MYH9: variants seen among roughly 807,000 people sequenced by gnomAD.
MYH9 encodes myosin-9.
Under a neutral mutation model 241.9 loss-of-function variants are expected in MYH9, and 29 were observed. The observed-to-expected ratio is 0.12, with a 90% CI of 0.09 to 0.16. MYH9 has a LOEUF of 0.16. Ranked by LOEUF, MYH9 falls within the 10% of genes least tolerant of loss-of-function variation. MYH9 has a pLI of 1.00. For missense variants in MYH9, 1,803 were observed against 2,595.5 expected (o/e 0.69, Z 6.63); for synonymous variants, 1,047 against 1,062.6 (o/e 0.99, Z 0.29).
rs2017383910 is a variant in MYH9, at chr22:36,329,225, AGGAGGCAAGCTCTAGG to A, written c.491-1753_491-1738del. On this transcript the variant is annotated intron_variant, in intron 3 of 40. Transcript: ENST00000216181. The surrounding 1 kb of genome is among the most constrained non-coding windows in gnomAD (Gnocchi z 4.1). Reference sequence around the variant, plus strand: ...CTGCTCTCTGATGTGGAAACTACTCAGGAGGCAAGCTCTAGGGGAGGCAAGCCTTACTCCCCCTTGC... The same window carrying A: ...CTGCTCTCTGATGTGGAAACTACTCAGGAGGCAAGCCTTACTCCCCCTTGC... 6.6e-6 allele frequency among the ~76,000 whole-genome samples: 1 copy of A among 152,026 alleles called. No individual in the cohort carries two copies. The highest frequency in any genetic ancestry group is 1.5e-5 in the Non-Finnish European group (1 of 67,992).
intron 31 of MYH9, 30 bp from the exon 32 acceptor site, chr22:36,289,327 A>G (rs2016647533): frequency 6.3e-7 from 1 of 1,582,018 alleles, no homozygotes; most frequent in Non-Finnish European, 8.6e-7. Context: ...CATGAGGCTC[A>G]GAGCTACGGC....
intron 3 of MYH9, among the ~76,000 whole-genome samples, chr22:36,333,659 C>T (rs1433976034): frequency 6.6e-6 from 1 of 152,210 alleles, no homozygotes; most frequent in Non-Finnish European, 1.5e-5. Flanking sequence ...ATTTATCTTT[C>T]TTTAGTTGTA....
intron 1 of MYH9, chr22:36,364,924 A>T (rs1268903646): frequency 6.6e-6 from 1 of 152,110 alleles, no homozygotes; most frequent in Non-Finnish European, 1.5e-5. Context: ...TGTAAAATGG[A>T]GCTGATCCCA....
chr22:36,342,312 A>G (rs928877329), intron 2 of MYH9, among the ~76,000 whole-genome samples: 2 of 151,744 alleles, frequency 1.3e-5, no homozygotes, highest in African/African-American at 4.8e-5. Flanking sequence ...AAGGTTCTTA[A>G]CCTCTCTCCC....
intron 1 of MYH9, among the ~76,000 whole-genome samples, chr22:36,356,574 C>T (rs1015436269): frequency 1.7e-5 from 2 of 115,074 alleles, no homozygotes; most frequent in Non-Finnish European, 3.3e-5. Context: ...GAGTGAGACT[C>T]CATCTCAAAA....
intron 39 of MYH9, 55 bp from the exon 40 acceptor site, chr22:36,284,320 C>T (rs1315708896): frequency 5.6e-6 from 9 of 1,603,570 alleles, no homozygotes; most frequent in Non-Finnish European, 7.6e-6. Flanking sequence ...GGGCGTGCAG[C>T]CAGTCAGCCC....
rs190298760 is a variant in MYH9 at position 36,311,120 on chromosome 22, C to T, written c.1728+929G>A. On this transcript the variant is annotated intron_variant, in intron 14 of 40. Coordinates refer to ENST00000216181, the MANE Select transcript of MYH9 (RefSeq NM_002473.6). The stretch of plus-strand genomic sequence containing the variant: ...CTAGTCACCACCAACAAGGAGATGG[C>T]GCAGCCCCTGCCTAATCACAGCAAT... Among the ~76,000 whole-genome samples, 36 of 152,304 alleles carry T rather than the reference C, an allele frequency of 2.4e-4. 1 individual carries two copies. In the East Asian group the frequency reaches 2.7e-3, roughly 11 times the overall value.
rs76330062 is a variant in MYH9 at position 36,305,891 on chromosome 22, G to T, written c.2159+39C>A. ...ACCTCTGGGACTCACTGCACGCACA[G>T]CAGGGCCCAGGAGAAGCGGGCTCCG... On this transcript the variant is annotated intron_variant, in intron 17 of 40. Coordinates refer to ENST00000216181, the MANE Select transcript of MYH9 (RefSeq NM_002473.6). The surrounding 1 kb of genome is among the most constrained non-coding windows in gnomAD (Gnocchi z 4.7). The T allele has an allele frequency of 0.042, 68,311 of 1,611,282 alleles. 1,682 individuals are homozygous for T. The highest frequency in any genetic ancestry group is 0.05 in the Non-Finnish European group (58,721 of 1,179,170).
chr22:36,346,097 A>G (rs935791890), intron 2 of MYH9, among the ~76,000 whole-genome samples: 5 of 151,742 alleles, frequency 3.3e-5, no homozygotes, highest in Admixed American at 2.0e-4. Context: ...CAATGAGCCA[A>G]GATGGCACCA....
rs374158300 is a variant in MYH9 at position 36,304,579 on chromosome 22, C to T, written c.2230-424G>A. Among the ~76,000 whole-genome samples the T allele has an allele frequency of 6.2e-4, 95 of 152,306 alleles. No homozygotes were observed. The South Asian group carries it at 8.9e-3, about 14-fold the overall frequency. On this transcript the variant is annotated intron_variant, in intron 18 of 40. Transcript: ENST00000216181. ...AGTCACCGCAGGGCTTTCAATCAAC[C>T]GGAACTCAGAGCATGCGCACAGCCC...
In MYH9 at chr22:36,306,087, C is replaced by T. The variant is rs374225358; in HGVS notation, c.2038-36G>A. 1.7e-5 allele frequency: 27 copies of T among 1,611,184 alleles called. No homozygotes were observed. In the African/African-American group the frequency reaches 2.7e-4, roughly 16 times the overall value. On this transcript the variant is annotated intron_variant, in intron 16 of 40. Transcript: ENST00000216181. The surrounding 1 kb of genome is among the most constrained non-coding windows in gnomAD (Gnocchi z 4.1). ...AAACACATGCATGCGGTCTCACTTC[C>T]GTGCCTAGAACAGTCGGAGAATAGT...
Position 36,285,650 on chromosome 22 carries a change from G to T in MYH9, c.5274+8C>A. 8.7e-6 allele frequency: 14 copies of T among 1,611,970 alleles called. No homozygotes were observed. Among genetic ancestry groups the T allele is most frequent in the Non-Finnish European group, 1.2e-5 (14 of 1,180,004 alleles). On this transcript the variant is annotated splice_region_variant and intron_variant, in intron 37 of 40. Transcript: ENST00000216181. This position sits in a 1 kb window ranked among gnomAD's most constrained non-coding sequence, Gnocchi z 7.0. ...AGAGCCCAGAGTGGGAGAAGTCCTG[G>T]CACCCACCTGCAGGTTGGCCTTCTT...
intron 1 of MYH9, among the ~76,000 whole-genome samples, chr22:36,371,098 G>C (rs1042026949): frequency 1.3e-5 from 2 of 152,152 alleles, no homozygotes; most frequent in Non-Finnish European, 2.9e-5. Flanking sequence ...CTGGATCAGA[G>C]AACCCTCTGC....
intron 24 of MYH9, among the ~76,000 whole-genome samples, chr22:36,297,567 G>T (rs763244789): frequency 6.6e-6 from 1 of 152,180 alleles, no homozygotes; most frequent in Non-Finnish European, 1.5e-5. Flanking sequence ...TGCCTGCCTC[G>T]TGATGGTTAT....
rs532106479 is a variant in MYH9 at position 36,302,494 on chromosome 22, A to C, written c.2499+74T>G. ...GAGACCACACCTCTACAAAAAATAC[A>C]AACAATTAGCCAGGTATGTATGGTG... On this transcript the variant is annotated intron_variant, in intron 20 of 40. Coordinates refer to ENST00000216181, the MANE Select transcript of MYH9 (RefSeq NM_002473.6). 132 of 1,329,532 alleles carry C rather than the reference A, an allele frequency of 9.9e-5. No individual in the cohort carries two copies. The South Asian group carries it at 1.5e-3, about 15-fold the overall frequency. The allele number at this position is 1,329,532 out of a possible 1,614,324, so 82.4% of individuals were successfully genotyped here.
Position 36,318,618 on chromosome 22 carries a change from G to A in MYH9, c.1109-293C>T, listed in dbSNP as rs565518900. Among the ~76,000 whole-genome samples the A allele has an allele frequency of 2.0e-3, 308 of 152,296 alleles. 3 individuals are homozygous for A. The highest frequency in any genetic ancestry group is 3.5e-3 in the Admixed American group (54 of 15,304). On this transcript the variant is annotated intron_variant, in intron 10 of 40. Coordinates refer to ENST00000216181, the MANE Select transcript of MYH9 (RefSeq NM_002473.6). ...GGCAGAGAGGAAGGCGTCCTGGCTG[G>A]AGGCCACAGCGGCAGCAGTGGTTCC...
intron 1 of MYH9, among the ~76,000 whole-genome samples, chr22:36,360,705 T>G (rs1418069726): frequency 8.4e-5 from 12 of 143,102 alleles, no homozygotes. Flanking sequence ...AGTGTGAGAC[T>G]CCATCTCAAA....
Position 36,330,421 on chromosome 22 carries a change from T to C in MYH9, c.491-2933A>G, listed in dbSNP as rs2017403729. ...GCTCAGGAAGGGTTTTGGTCTGTTA[T>C]CTTGTGTGGCCTCCAATAACCTTAC... On this transcript the variant is annotated intron_variant, in intron 3 of 40. Transcript: ENST00000216181. The surrounding 1 kb of genome is among the most constrained non-coding windows in gnomAD (Gnocchi z 4.5). 6.6e-6 allele frequency among the ~76,000 whole-genome samples: 1 copy of C among 152,224 alleles called. No homozygotes were observed. Among genetic ancestry groups the C allele is most frequent in the Non-Finnish European group, 1.5e-5 (1 of 68,042 alleles).
At chr22:36,304,219 C>G in intron 18 of MYH9, 64 bp from the exon 19 acceptor site, 1 of 1,572,384 alleles carries the variant, frequency 6.4e-7, no homozygotes, top group Non-Finnish European at 8.7e-7. Flanking sequence ...GAAAGGGTGG[C>G]CCAGGCACAG....
Sources: gnomAD v4.1 joint callset for allele counts (sites outside exome capture counted in the v4.1 genomes callset) on GRCh38, gnomAD v4.1.1 for gene constraint, Gnocchi (gnomAD v3.1) non-coding constraint, MANE v1.5 for transcripts, NCBI Gene and HGNC (gene_info 2026-07-23, HGNC 2026-07-21) for gene names.